Variants in PSG7 observed in about 807,000 individuals in gnomAD.
PSG7 encodes the protein pregnancy-specific beta-1-glycoprotein 7.
PSG7 carries 57 observed loss-of-function variants against 45.6 expected under a neutral mutation model. The observed-to-expected ratio is 1.25, with a 90% CI of 1.01 to 1.56. The LOEUF (loss-of-function observed/expected upper bound fraction) is 1.56, where lower values mean the gene tolerates loss of function less well. PSG7 is among the 40% of genes most tolerant of loss of function. PSG7 has a pLI of 0.00. For synonymous variants in PSG7, 298 were observed against 194.4 expected (o/e 1.53, Z -4.43); for missense variants, 796 against 508.4 (o/e 1.57, Z -5.44).
At position 42,929,672 on chromosome 19, in the gene PSG7, T is replaced by A; in HGVS notation, c.479A>T (p.Glu160Val). Residue 160 changes from glutamate (E) to valine (V), a missense_variant, in exon 3 of 6, where the codon GAG (glutamate) becomes GTG (valine). By Grantham distance (121) the Glu-to-Val change is moderately radical (BLOSUM62 -2). Coordinates refer to ENST00000406070, the MANE Select transcript of PSG7 (RefSeq NM_002783.3). ...SISSSNFNPR[E>V]ATEAVILTCD... ...GGTTAAAATCACAGCCTCCGTGGCC[T>A]CCCTGGGGTTGAAATTGCTGCTGGA... is the stretch of plus-strand genomic sequence containing the variant. The A allele has an allele frequency of 6.2e-7, 1 of 1,612,410 alleles. No individual in the cohort carries two copies. The highest frequency in any genetic ancestry group is 8.5e-7 in the Non-Finnish European group (1 of 1,179,152).
In PSG7 at chr19:42,930,469, T is replaced by C. The variant is rs571825517; in HGVS notation, c.431-749A>G. On this transcript the variant is annotated intron_variant, in intron 2 of 5. Transcript: ENST00000406070. ...TGTTCTGGGTCCATGATGCTCCCTT[T>C]CCCCTGTAGAGGGCAGGTGAGGACC... Among the ~76,000 whole-genome samples, 224 of 151,742 alleles carry C rather than the reference T, an allele frequency of 1.5e-3. 3 individuals are homozygous for C. The highest frequency in any genetic ancestry group is 2.8e-3 in the Non-Finnish European group (193 of 67,904).
chr19:42,930,721 C>T (rs1167459989), intron 2 of PSG7, among the ~76,000 whole-genome samples: 3 of 151,380 alleles, frequency 2.0e-5, no homozygotes, highest in Non-Finnish European at 4.4e-5. Context: ...TCAGTGGATT[C>T]CAGAGTGAAT....
At chr19:42,933,713 A>G (rs776898572) in intron 2 of PSG7, among the ~76,000 whole-genome samples, 1 of 151,028 alleles carries the variant, frequency 6.6e-6, no homozygotes, top group African/African-American at 2.4e-5. Flanking sequence ...TGAGGGACAC[A>G]GAGAAGCAGA....
rs201389302 is a variant in PSG7 at position 42,926,570 on chromosome 19, C to T, written c.856G>A (p.Val286Ile). Residue 286 changes from valine (V) to isoleucine (I), a missense_variant, in exon 4 of 6, where the codon GTA (valine) becomes ATA (isoleucine). Coordinates refer to ENST00000406070, the MANE Select transcript of PSG7 (RefSeq NM_002783.3). ...NGQSLPVSPR[V>I]KRRIENRILI... ...ATCCTGTTTTCAATGCGTCGCTTTACCCTGGGACTGACCGGGAGGCTCTGA... is the reference window on the plus strand; with the variant it reads ...ATCCTGTTTTCAATGCGTCGCTTTATCCTGGGACTGACCGGGAGGCTCTGA... 313 of 1,610,396 alleles carry T rather than the reference C, an allele frequency of 1.9e-4. 7 individuals are homozygous for T. The highest frequency in any genetic ancestry group is 1.6e-4 in the Non-Finnish European group (189 of 1,179,028).
intron 3 of PSG7, 100 bp from the exon 4 acceptor site, chr19:42,926,816 G>A: frequency 1.9e-6 from 3 of 1,541,988 alleles, no homozygotes; most frequent in South Asian, 1.2e-5. Context: ...GTCAACACGT[G>A]TGAGTCCTTG....
At position 42,924,559 on chromosome 19, in the gene PSG7, A is replaced by G. The variant is rs772362339; in HGVS notation, c.*249T>C. 130 of 603,972 alleles carry G rather than the reference A, an allele frequency of 2.2e-4. 3 individuals are homozygous for G. The highest frequency in any genetic ancestry group is 3.3e-4 in the Non-Finnish European group (114 of 340,358). 37.4% of individuals were successfully genotyped at this position (603,972 alleles called of 1,614,324 possible). On this transcript the variant is annotated 3_prime_UTR_variant, in exon 6 of 6. Coordinates refer to ENST00000406070, the MANE Select transcript of PSG7 (RefSeq NM_002783.3). The stretch of plus-strand genomic sequence containing the variant: ...CATCATGATGGGGAGTCTTATTCTG[A>G]CATCTTGGGAAAAGCTGTCCACAGT...
In PSG7 at chr19:42,924,417, C is replaced by A. The variant is rs1297613702; in HGVS notation, c.*391G>T. 7 of 463,526 alleles carry A rather than the reference C, an allele frequency of 1.5e-5. No individual in the cohort carries two copies. The Admixed American group carries it at 2.6e-4, about 17-fold the overall frequency. The allele number at this position is 463,526 out of a possible 1,614,324, so 28.7% of individuals were successfully genotyped here. A position where few individuals can be genotyped will look rare whatever the true frequency, so the allele number is the denominator to read the frequency against. On this transcript the variant is annotated 3_prime_UTR_variant, in exon 6 of 6. Coordinates refer to ENST00000406070, the MANE Select transcript of PSG7 (RefSeq NM_002783.3). Reference sequence around the variant, plus strand: ...TCTGAGGTTGAGATGACATATCTGACACTCTGTTGTTACCCTCAGAAGCTC... The same window carrying A: ...TCTGAGGTTGAGATGACATATCTGAAACTCTGTTGTTACCCTCAGAAGCTC...
intron 2 of PSG7, among the ~76,000 whole-genome samples, chr19:42,933,694 G>A (rs1330478835): frequency 1.3e-5 from 2 of 150,918 alleles, no homozygotes; most frequent in African/African-American, 2.4e-5. Context: ...GAATGAAGTG[G>A]GAGGAAGATG....
intron 4 of PSG7, 87 bp downstream of exon 4, chr19:42,926,351 G>A (rs1972888327): frequency 6.3e-7 from 1 of 1,580,302 alleles, no homozygotes; most frequent in Non-Finnish European, 8.6e-7. Context: ...GGACCGGAGA[G>A]AGACTGAGAG....
chr19:42,929,304 G>GCTC, intron 3 of PSG7, 138 bp downstream of exon 3: 1 of 1,566,280 alleles, frequency 6.4e-7, no homozygotes. Context: ...TTTGCCTGGG[G>GCTC]CAGGAAGTCA....
chr19:42,929,769 C>T (rs368502229), intron 2 of PSG7, 49 bp from the exon 3 acceptor site: 3 of 1,574,816 alleles, frequency 1.9e-6, no homozygotes, highest in Non-Finnish European at 2.6e-6. Context: ...CCTTTGACTC[C>T]TCCAAAGGCA....
intron 2 of PSG7, among the ~76,000 whole-genome samples, chr19:42,933,440 A>G (rs1355271979): frequency 6.8e-6 from 1 of 147,788 alleles, no homozygotes; most frequent in African/African-American, 2.5e-5. Flanking sequence ...ACAAAGTGAA[A>G]GAGCCCTGGA....
Position 42,926,505 on chromosome 19 carries a change from G to C in PSG7, c.921C>G (p.Pro307=), listed in dbSNP as rs541676662. 3 of 1,611,336 alleles carry C rather than the reference G, an allele frequency of 1.9e-6. No individual in the cohort carries two copies. In the Admixed American group the frequency reaches 5.0e-5, roughly 27 times the overall value. ...ATCGGTCCCGTATTTCACATTGATA[G>C]GGTCCTGTTTCATTTCTCGTGACAC... is the stretch of plus-strand genomic sequence containing the variant. ...LPSVTRNETG[P]YQCEIRDRYG... is the part of the protein sequence containing the mutation. The change falls in exon 4 of 6, where the codon CCC becomes CCG. Residue 307 remains proline, a synonymous_variant. Transcript: ENST00000406070.
chr19:42,924,374 T>G lies in PSG7; in HGVS notation c.*434A>C. 2.3e-6 allele frequency: 1 copy of G among 431,864 alleles called. No homozygotes were observed. 26.8% of individuals were successfully genotyped at this position (431,864 alleles called of 1,614,324 possible). A position where few individuals can be genotyped will look rare whatever the true frequency, so the allele number is the denominator to read the frequency against. On this transcript the variant is annotated 3_prime_UTR_variant, in exon 6 of 6. Transcript: ENST00000406070. The stretch of plus-strand genomic sequence containing the variant: ...AGATGGAGAGAGCCACATTTCCTCC[T>G]GAGATGTTATGTAAAAGTCTGAGGT...
rs1398008621 is a variant in PSG7 at position 42,935,516 on chromosome 19, G to T, written c.318C>A (p.Ser106=). 6.2e-7 allele frequency: 1 copy of T among 1,611,988 alleles called. No homozygotes were observed. The highest frequency in any genetic ancestry group is 1.3e-5 in the African/African-American group (1 of 74,562). ...SGRETVYSNA[S]LLIQNVTQED... ...CCTGGGTGACATTCTGGATCAGCAG[G>T]GATGCATTGGAATATACTGTTTCTC... Residue 106 remains serine, a synonymous_variant, in exon 2 of 6, where the codon TCC becomes TCA. Coordinates refer to ENST00000406070, the MANE Select transcript of PSG7 (RefSeq NM_002783.3).
At chr19:42,933,336 G>A (rs1475671341) in intron 2 of PSG7, among the ~76,000 whole-genome samples, 1 of 78,088 alleles carries the variant, frequency 1.3e-5, no homozygotes, top group Non-Finnish European at 2.5e-5. Flanking sequence ...GTATGTATGT[G>A]TGCAGGAGGC....
intron 1 of PSG7, 54 bp from the exon 2 acceptor site, chr19:42,935,823 A>G: frequency 6.5e-7 from 1 of 1,548,464 alleles, no homozygotes; most frequent in Admixed American, 1.9e-5. Context: ...TTGGGTTGAA[A>G]AGATGGGCCC....
chr19:42,925,811 C>T lies in PSG7; in HGVS notation c.1205G>A (p.Gly402Asp), dbSNP rs184492103. The change falls in exon 5 of 6, where the codon GGC becomes GAC. Residue 402 changes from glycine to aspartate, a missense_variant. Coordinates refer to ENST00000406070, the MANE Select transcript of PSG7 (RefSeq NM_002783.3). The part of the protein sequence containing the change: ...YACSVRNSAT[G>D]KESSKSVTVR... ...TGTCACGGATTTGGAGCTTTCCTTG[C>T]CAGTGGCTGAGTTACGAACAGAGCA... is the stretch of plus-strand genomic sequence containing the variant. 6.0e-4 allele frequency: 962 copies of T among 1,612,016 alleles called. 17 individuals are homozygous for T. Among genetic ancestry groups the T allele is most frequent in the South Asian group, 7.7e-4 (70 of 90,620 alleles).
chr19:42,935,086 T>C (rs138240772), intron 2 of PSG7, among the ~76,000 whole-genome samples: 3,497 of 151,674 alleles, frequency 0.023, 65 homozygotes, highest in African/African-American at 0.08. Context: ...CTACTCAGTT[T>C]TCCAGGGTCT....
Sources: allele counts gnomAD v4.1 joint callset (sites outside exome capture counted in the v4.1 genomes callset), GRCh38; gene constraint gnomAD v4.1.1; transcripts MANE v1.5; gene names NCBI Gene and HGNC (gene_info 2026-07-23, HGNC 2026-07-21).